The following TRIM5 variants were observed in gnomAD, a reference collection of about 807,000 sequenced individuals.
The protein encoded by TRIM5 is tripartite motif-containing protein 5.
TRIM5 carries 31 observed loss-of-function variants against 35.6 expected under a neutral mutation model. The ratio of observed to expected loss-of-function variants is 0.87; its 90% CI spans 0.65 to 1.18. The LOEUF (loss-of-function observed/expected upper bound fraction) is 1.18. Ranked by LOEUF, TRIM5 falls within the 50% of genes most tolerant of loss-of-function variation. The pLI, the probability that TRIM5 is intolerant of heterozygous loss-of-function variation, is 0.00. For missense variants in TRIM5, 609 were observed against 591.6 expected, an observed-to-expected ratio of 1.03 and a Z score of -0.31; for synonymous variants, 243 against 215.6, an observed-to-expected ratio of 1.13 and a Z score of -1.11.
intron 4 of TRIM5, among the ~76,000 whole-genome samples, chr11:5,671,551 A>T (rs1404844608): frequency 1.3e-5 from 2 of 152,106 alleles, no homozygotes; most frequent in Non-Finnish European, 2.9e-5. Flanking sequence ...CAATAATGAA[A>T]TATTTGCTAA....
At chr11:5,596,334 G>A in the TRIM5 span, among the ~76,000 whole-genome samples, 1 of 152,134 alleles carries the variant, frequency 6.6e-6, no homozygotes, top group African/African-American at 2.4e-5. Context: ...AGTTTGGGAA[G>A]GGAGCACAGA....
At chr11:5,617,745 C>A in the TRIM5 span, among the ~76,000 whole-genome samples, 1 of 151,312 alleles carries the variant, frequency 6.6e-6, no homozygotes, top group Non-Finnish European at 1.5e-5. Context: ...CTGCCTCAGC[C>A]TCCCAAAGTG....
At chr11:5,675,893 T>C (rs1590260117) in intron 4 of TRIM5, among the ~76,000 whole-genome samples, 1 of 96,826 alleles carries the variant, frequency 1.0e-5, no homozygotes, top group East Asian at 3.0e-4. Context: ...GATATTCCCC[T>C]TCCTGTGTCC....
chr11:5,650,989 T>A, the TRIM5 span, among the ~76,000 whole-genome samples: 266 of 152,310 alleles, frequency 1.7e-3, 2 homozygotes, highest in South Asian at 3.1e-3. Flanking sequence ...AACGCCTGTA[T>A]CAACTGCAGA....
intron 1 of TRIM5, among the ~76,000 whole-genome samples, chr11:5,681,436 A>G (rs1369353134): frequency 3.9e-5 from 6 of 152,232 alleles, no homozygotes; most frequent in Admixed American, 2.6e-4. Context: ...ATCTAAAAAC[A>G]TAAGTGATTA....
At chr11:5,619,806 G>T in the TRIM5 span, 40,957 of 141,328 alleles carry the variant, frequency 0.29, 5,847 homozygotes, top group Middle Eastern at 0.33. Context: ...GGGTTCAAGC[G>T]ATCCTCCTGT....
the TRIM5 span, among the ~76,000 whole-genome samples, chr11:5,593,917 T>C: frequency 2.0e-5 from 3 of 152,300 alleles, no homozygotes; most frequent in Admixed American, 2.0e-4. Context: ...ACATACTTGG[T>C]TCCCTTTTAA....
intron 4 of TRIM5, among the ~76,000 whole-genome samples, chr11:5,675,296 G>A (rs970633382): frequency 1.3e-5 from 2 of 152,004 alleles, no homozygotes; most frequent in African/African-American, 4.8e-5. Context: ...GATGACAACA[G>A]AGCATTAAAT....
chr11:5,640,047 C>T, the TRIM5 span, among the ~76,000 whole-genome samples: 1 of 152,212 alleles, frequency 6.6e-6, no homozygotes, highest in Admixed American at 6.5e-5. Context: ...TATAGTCACA[C>T]TGTTGTGGTA....
the TRIM5 span, among the ~76,000 whole-genome samples, chr11:5,639,700 A>G: frequency 6.9e-6 from 1 of 144,340 alleles, no homozygotes; most frequent in Admixed American, 6.8e-5. Flanking sequence ...AAAAAAAAAA[A>G]AAAAAAAGAT....
At chr11:5,645,140 C>T in the TRIM5 span, among the ~76,000 whole-genome samples, 1 of 152,160 alleles carries the variant, frequency 6.6e-6, no homozygotes, top group Non-Finnish European at 1.5e-5. Flanking sequence ...GGGATCCCAG[C>T]CAGCACTTTG....
In TRIM5 at chr11:5,664,595, T is replaced by C; in HGVS notation, c.*214A>G. On this transcript the variant is annotated 3_prime_UTR_variant, in exon 8 of 8. Transcript: ENST00000380034. ...CAGTTTTCCTTAGGAGTACGGAAAA[T>C]GATGAAAAAAATTGCTATCAAATGT... 1.5e-6 allele frequency: 2 copies of C among 1,293,670 alleles called. No individual in the cohort carries two copies. The highest frequency in any genetic ancestry group is 2.0e-6 in the Non-Finnish European group (2 of 1,023,586). 80.1% of individuals were successfully genotyped at this position (1,293,670 alleles called of 1,614,324 possible). A position where few individuals can be genotyped will look rare whatever the true frequency, so the allele number is the denominator to read the frequency against.
At chr11:5,641,056 A>G in the TRIM5 span, 1 of 1,409,370 alleles carries the variant, frequency 7.1e-7, no homozygotes, top group East Asian at 2.6e-5. Flanking sequence ...TGACATTTTC[A>G]TATAACTCAC....
At chr11:5,628,858 T>C in the TRIM5 span, among the ~76,000 whole-genome samples, 1 of 152,004 alleles carries the variant, frequency 6.6e-6, no homozygotes, top group Non-Finnish European at 1.5e-5. Context: ...TCCTCTCTCC[T>C]AGCTTCTGGT....
chr11:5,671,384 A>T (rs1851581435), intron 4 of TRIM5, among the ~76,000 whole-genome samples: 3 of 152,166 alleles, frequency 2.0e-5, no homozygotes, highest in African/African-American at 7.2e-5. Flanking sequence ...GAGCTAGAAG[A>T]TAAAGACTTC....
chr11:5,653,701 C>G, the TRIM5 span, among the ~76,000 whole-genome samples: 2 of 151,974 alleles, frequency 1.3e-5, no homozygotes, highest in African/African-American at 2.4e-5. Flanking sequence ...CCGTGTTGGT[C>G]AGGCTGGTCT....
the TRIM5 span, chr11:5,610,911 G>A: frequency 1.9e-6 from 3 of 1,614,142 alleles, no homozygotes; most frequent in South Asian, 3.3e-5. Context: ...TAGTGTCCTG[G>A]GCTCCCAGCA....
chr11:5,664,503 C>A lies in TRIM5; in HGVS notation c.*306G>T. 9.3e-7 allele frequency: 1 copy of A among 1,078,090 alleles called. No individual in the cohort carries two copies. The highest frequency in any genetic ancestry group is 1.1e-6 in the Non-Finnish European group (1 of 888,604). The allele number at this position is 1,078,090 out of a possible 1,614,324, so 66.8% of individuals were successfully genotyped here. A position where few individuals can be genotyped will look rare whatever the true frequency, so the allele number is the denominator to read the frequency against. ...TCATCTTCTTAGTCAGTGTCAGAGG[C>A]AATTGGGTGATAAATATCTGGCAGA... On this transcript the variant is annotated 3_prime_UTR_variant, in exon 8 of 8. Transcript: ENST00000380034.
chr11:5,654,651 T>C, the TRIM5 span, among the ~76,000 whole-genome samples: 1 of 152,178 alleles, frequency 6.6e-6, no homozygotes, highest in Non-Finnish European at 1.5e-5. Flanking sequence ...TACCAATCAC[T>C]TTTGACTATT....
Sources: allele counts gnomAD v4.1 joint callset (sites outside exome capture counted in the v4.1 genomes callset), GRCh38; gene constraint gnomAD v4.1.1; transcripts MANE v1.5; gene names NCBI Gene and HGNC (gene_info 2026-07-23, HGNC 2026-07-21).